Variants in YEATS4 observed in about 807,000 individuals in gnomAD.
The protein encoded by YEATS4 is YEATS domain containing 4.
A neutral mutation model predicts 30.1 loss-of-function variants in YEATS4; 17 were observed. The observed-to-expected ratio is 0.56, with a 90% CI of 0.39 to 0.85. The LOEUF is 0.85. Ranked by LOEUF, YEATS4 falls within the 40% of genes least tolerant of loss-of-function variation. YEATS4 has a pLI of 0.00. For synonymous variants in YEATS4, 85 were observed against 87.5 expected (o/e 0.97, Z 0.16); for missense variants, 142 against 268.3 (o/e 0.53, Z 3.29).
At chr12:69,380,314 G>A (rs1876023969) in intron 6 of YEATS4, among the ~76,000 whole-genome samples, 1 of 152,228 alleles carries the variant, frequency 6.6e-6, no homozygotes, top group East Asian at 1.9e-4. Flanking sequence ...TGCATTAGGG[G>A]ATACCCCAAG....
intron 6 of YEATS4, among the ~76,000 whole-genome samples, chr12:69,386,961 C>T (rs1868259163): frequency 6.6e-6 from 1 of 152,026 alleles, no homozygotes; most frequent in African/African-American, 2.4e-5. Flanking sequence ...TAACAATGAA[C>T]TCTAATAAAA....
the YEATS4 span, chr12:69,400,852 G>A: frequency 1.3e-5 from 2 of 152,190 alleles, no homozygotes; most frequent in Non-Finnish European, 2.9e-5. Flanking sequence ...CATTGTTGGT[G>A]TGCATTAAGA....
chr12:69,398,322 C>A, the YEATS4 span, among the ~76,000 whole-genome samples: 105,447 of 151,728 alleles, frequency 0.69, 36,691 homozygotes, highest in East Asian at 0.74. Flanking sequence ...CACACACACA[C>A]AAAAAAACTA....
chr12:69,361,075 G>T (rs1464287639), intron 1 of YEATS4, among the ~76,000 whole-genome samples: 3 of 151,782 alleles, frequency 2.0e-5, no homozygotes, highest in Admixed American at 2.0e-4. Flanking sequence ...GCGGGCACCT[G>T]TAATCCCAGC....
chr12:69,410,556 C>G, the YEATS4 span, among the ~76,000 whole-genome samples: 1 of 152,238 alleles, frequency 6.6e-6, no homozygotes, highest in Admixed American at 6.5e-5. Context: ...AATATTTAGT[C>G]AAAATGACCA....
chr12:69,370,567 C>A, intron 4 of YEATS4, 139 bp from the exon 5 acceptor site: 1 of 633,762 alleles, frequency 1.6e-6, no homozygotes, highest in Non-Finnish European at 2.4e-6. Flanking sequence ...TGATTTGCTG[C>A]AATAAGTTGC....
chr12:69,370,259 A>G (rs1467834897), intron 4 of YEATS4, among the ~76,000 whole-genome samples: 1 of 152,120 alleles, frequency 6.6e-6, no homozygotes, highest in Non-Finnish European at 1.5e-5. Flanking sequence ...TATGTCATTT[A>G]TGTAATAATC....
chr12:69,389,844 T>G (rs1438681321), intron 6 of YEATS4, among the ~76,000 whole-genome samples: 1 of 152,104 alleles, frequency 6.6e-6, no homozygotes, highest in Non-Finnish European at 1.5e-5. Flanking sequence ...CTTGGGTTTG[T>G]GTGCCCCCTT....
At chr12:69,386,370 G>A (rs1247618078) in intron 6 of YEATS4, among the ~76,000 whole-genome samples, 1 of 152,142 alleles carries the variant, frequency 6.6e-6, no homozygotes, top group Non-Finnish European at 1.5e-5. Context: ...AGCTATACAG[G>A]ACTCCTTGTC....
At chr12:69,362,698 C>A in intron 1 of YEATS4, 90 bp from the exon 2 acceptor site, 1 of 961,784 alleles carries the variant, frequency 1.0e-6, no homozygotes, top group African/African-American at 1.7e-5. Flanking sequence ...GTTAGCCTGC[C>A]ATTCTTTAAA....
the YEATS4 span, among the ~76,000 whole-genome samples, chr12:69,423,628 G>C: frequency 6.6e-6 from 1 of 152,154 alleles, no homozygotes; most frequent in African/African-American, 2.4e-5. Context: ...GAGCTGACAC[G>C]AAGAAGCATA....
At chr12:69,425,517 T>C in the YEATS4 span, among the ~76,000 whole-genome samples, 17,486 of 152,158 alleles carry the variant, frequency 0.11, 1,210 homozygotes, top group East Asian at 0.19. Flanking sequence ...TGGCCTCCAT[T>C]GCGCCCACAC....
intron 6 of YEATS4, among the ~76,000 whole-genome samples, chr12:69,381,154 CTG>C (rs1310605686): frequency 6.6e-6 from 1 of 152,074 alleles, no homozygotes; most frequent in East Asian, 1.9e-4. Flanking sequence ...CTACGGGAGA[CTG>C]GGGCTAATTT....
At chr12:69,380,538 C>T (rs1241915441) in intron 6 of YEATS4, among the ~76,000 whole-genome samples, 5 of 152,302 alleles carry the variant, frequency 3.3e-5, no homozygotes, top group East Asian at 1.9e-4. Flanking sequence ...ACTGGGACTG[C>T]CTTAGGTCAG....
At chr12:69,383,105 A>C (rs1056343360) in intron 6 of YEATS4, among the ~76,000 whole-genome samples, 1 of 152,070 alleles carries the variant, frequency 6.6e-6, no homozygotes, top group Non-Finnish European at 1.5e-5. Flanking sequence ...TACAAAAAAA[A>C]TTTTTTTAAT....
At chr12:69,418,376 C>T in the YEATS4 span, among the ~76,000 whole-genome samples, 2 of 152,054 alleles carry the variant, frequency 1.3e-5, no homozygotes, top group Admixed American at 6.5e-5. Context: ...TGCCTGAATC[C>T]GGGAGGTGGA....
chr12:69,414,905 C>T, the YEATS4 span, among the ~76,000 whole-genome samples: 3 of 152,284 alleles, frequency 2.0e-5, no homozygotes, highest in South Asian at 4.2e-4. Context: ...GAAATGTTGC[C>T]ATCAGTTCTT....
chr12:69,370,917 A>G lies in YEATS4; in HGVS notation c.456A>G (p.Gln152=), dbSNP rs761513883. 18 of 1,613,390 alleles carry G rather than the reference A, an allele frequency of 1.1e-5. No individual in the cohort carries two copies. In the Admixed American group the frequency reaches 2.2e-4, roughly 19 times the overall value. Residue 152 remains glutamine (Q), a synonymous_variant, in exon 6 of 7, where the codon CAA becomes CAG. Coordinates refer to ENST00000247843, the MANE Select transcript of YEATS4 (RefSeq NM_006530.4). ...MIFQDPTAMM[Q]QLLTTSRQLT... ...TTCAAGACCCAACAGCAATGATGCA[A>G]CAATTATTGACAACATCTCGTCAGC...
chr12:69,414,625 T>C, the YEATS4 span, among the ~76,000 whole-genome samples: 1 of 152,186 alleles, frequency 6.6e-6, no homozygotes, highest in African/African-American at 2.4e-5. Context: ...ACTCTGTCCA[T>C]TTCTGTCCAG....
Sources: gnomAD v4.1 joint callset for allele counts (sites outside exome capture counted in the v4.1 genomes callset) on GRCh38, gnomAD v4.1.1 for gene constraint, MANE v1.5 for transcripts, NCBI Gene and HGNC (gene_info 2026-07-23, HGNC 2026-07-21) for gene names.